The following GYPE variants were observed in gnomAD, a reference collection of about 807,000 sequenced individuals.
GYPE encodes glycophorin E (MNS blood group), also known as glycophorin-E.
In GYPE, 8 loss-of-function variants were observed where a neutral mutation model predicts 11.6. The ratio of observed to expected loss-of-function variants is 0.69; its 90% CI spans 0.41 to 1.25. GYPE has a LOEUF of 1.25. GYPE is among the 50% of genes most tolerant of loss of function. GYPE has a pLI of 0.01. For missense variants in GYPE, 90 were observed against 92.8 expected, an observed-to-expected ratio of 0.97 and a Z score of 0.12; for synonymous variants, 28 against 29.6, an observed-to-expected ratio of 0.94 and a Z score of 0.18.
intron 1 of GYPE, among the ~76,000 whole-genome samples, chr4:143,898,296 G>C (rs1206486459): frequency 6.6e-6 from 1 of 152,178 alleles, no homozygotes; most frequent in Non-Finnish European, 1.5e-5. Context: ...AGAATTGCTT[G>C]AACCTGGGAG....
intron 1 of GYPE, among the ~76,000 whole-genome samples, chr4:143,888,170 T>G (rs1744278732): frequency 1.0e-5 from 1 of 96,114 alleles, no homozygotes; most frequent in Non-Finnish European, 2.1e-5. Flanking sequence ...AGCTCTCTGC[T>G]GCATGCTTTA....
At chr4:143,873,162 T>A (rs1252512771) in intron 3 of GYPE, among the ~76,000 whole-genome samples, 1 of 152,176 alleles carries the variant, frequency 6.6e-6, no homozygotes, top group Admixed American at 6.5e-5. Flanking sequence ...TGGTCACCTT[T>A]TAGTGATTTC....
intron 3 of GYPE, among the ~76,000 whole-genome samples, chr4:143,873,872 C>T (rs1261097609): frequency 2.6e-5 from 4 of 151,980 alleles, no homozygotes; most frequent in Admixed American, 2.6e-4. Flanking sequence ...TGCTGAAGAA[C>T]TTTTTGGATG....
At chr4:143,905,448 C>A (rs1285946799) in intron 1 of GYPE, 23 bp downstream of exon 1, 3 of 1,612,578 alleles carry the variant, frequency 1.9e-6, no homozygotes, top group East Asian at 2.2e-5. Flanking sequence ...ATAACAGAAC[C>A]AAGATGAAAT....
rs1239089361 is a variant in GYPE, at chr4:143,897,058, A to G, written c.37+8413T>C. The stretch of plus-strand genomic sequence containing the variant: ...GCATTAAGAGATATACCTAATGCTA[A>G]ATGACGAGTTAATGGGTGCAGCACA... On this transcript the variant is annotated intron_variant, in intron 1 of 3. Transcript: ENST00000358615. Among the ~76,000 whole-genome samples the G allele has an allele frequency of 2.6e-5, 4 of 152,094 alleles. No individual in the cohort carries two copies. In the South Asian group the frequency reaches 6.2e-4, roughly 24 times the overall value.
rs1179833869 is a variant in GYPE, at chr4:143,871,626, AG to A, written c.*635del. The stretch of plus-strand genomic sequence containing the variant: ...AATCCCACTTCACCTAATGAAGAAA[AG>A]GAGAAGGATGCACTTCATTCTTAGA... On this transcript the variant is annotated 3_prime_UTR_variant, in exon 4 of 4. Transcript: ENST00000358615. 1 of 152,178 alleles carries A rather than the reference AG, an allele frequency of 6.6e-6. No individual in the cohort carries two copies. The highest frequency in any genetic ancestry group is 1.9e-4 in the East Asian group (1 of 5,192). The allele number at this position is 152,178 out of a possible 1,614,324, so 9.4% of individuals were successfully genotyped here.
rs186518646 is a variant in GYPE, at chr4:143,882,396, C to G, written c.38-1887G>C. ...AAGATAACTAATGAACAAAAATAAT[C>G]CATCTCTCTTAATAAATGTTAGATA... is the stretch of plus-strand genomic sequence containing the variant. On this transcript the variant is annotated intron_variant, in intron 1 of 3. Transcript: ENST00000358615. 9.3e-4 allele frequency among the ~76,000 whole-genome samples: 141 copies of G among 152,124 alleles called. 1 individual carries two copies. The highest frequency in any genetic ancestry group is 3.1e-3 in the African/African-American group (129 of 41,476).
intron 1 of GYPE, among the ~76,000 whole-genome samples, chr4:143,891,502 G>A (rs868398542): frequency 1.3e-5 from 2 of 151,272 alleles, no homozygotes; most frequent in African/African-American, 4.9e-5. Flanking sequence ...CTAATTTTTT[G>A]TATTTTTAGT....
chr4:143,881,678 G>T (rs1249818816), intron 1 of GYPE, among the ~76,000 whole-genome samples: 1 of 152,180 alleles, frequency 6.6e-6, no homozygotes, highest in Non-Finnish European at 1.5e-5. Flanking sequence ...TTATATGAAT[G>T]TTCTGTGGTT....
intron 2 of GYPE, among the ~76,000 whole-genome samples, chr4:143,877,482 T>C (rs1743860624): frequency 1.3e-5 from 2 of 152,194 alleles, no homozygotes; most frequent in South Asian, 4.1e-4. Flanking sequence ...TGTTAAGTCA[T>C]TTGTATGTTG....
chr4:143,903,193 T>G (rs4091835), intron 1 of GYPE, among the ~76,000 whole-genome samples: 10,474 of 145,404 alleles, frequency 0.072, 959 homozygotes, highest in African/African-American at 0.2. Context: ...CTTTGTATTA[T>G]TTTTGACTGT....
At chr4:143,888,097 G>A (rs1343389597) in intron 1 of GYPE, among the ~76,000 whole-genome samples, 2 of 85,158 alleles carry the variant, frequency 2.3e-5, no homozygotes, top group Non-Finnish European at 4.8e-5. Flanking sequence ...TTGTACCATG[G>A]AGGTGGGGTG....
intron 1 of GYPE, among the ~76,000 whole-genome samples, chr4:143,892,643 G>A (rs1744452713): frequency 2.6e-5 from 4 of 152,016 alleles, no homozygotes; most frequent in Admixed American, 2.6e-4. Context: ...TTAATCCTGA[G>A]TTCTAGTTTG....
chr4:143,875,733 C>T (rs1307821793), intron 3 of GYPE, among the ~76,000 whole-genome samples: 3 of 152,012 alleles, frequency 2.0e-5, no homozygotes, highest in African/African-American at 7.3e-5. Flanking sequence ...ACTTTGGAGG[C>T]CAAGGCAGGT....
chr4:143,903,577 C>G (rs1424831910), intron 1 of GYPE, among the ~76,000 whole-genome samples: 1 of 145,668 alleles, frequency 6.9e-6, no homozygotes, highest in East Asian at 2.1e-4. Flanking sequence ...CATGTTTAGT[C>G]TTCAGCTAAT....
intron 3 of GYPE, among the ~76,000 whole-genome samples, chr4:143,876,216 C>A (rs1354239067): frequency 1.3e-5 from 2 of 151,992 alleles, no homozygotes; most frequent in Non-Finnish European, 2.9e-5. Flanking sequence ...CAGGCTGAAG[C>A]AATCCTCCCA....
intron 1 of GYPE, among the ~76,000 whole-genome samples, chr4:143,897,660 A>G (rs567799352): frequency 9.2e-5 from 14 of 152,188 alleles, no homozygotes; most frequent in Non-Finnish European, 1.5e-4. Flanking sequence ...GAACCTGGTT[A>G]TACCCTATGT....
At chr4:143,891,504 A>G (rs1308868177) in intron 1 of GYPE, among the ~76,000 whole-genome samples, 1 of 151,248 alleles carries the variant, frequency 6.6e-6, no homozygotes, top group Non-Finnish European at 1.5e-5. Flanking sequence ...AATTTTTTGT[A>G]TTTTTAGTAG....
chr4:143,893,982 C>T (rs1744518675), intron 1 of GYPE, among the ~76,000 whole-genome samples: 1 of 152,150 alleles, frequency 6.6e-6, no homozygotes, highest in Admixed American at 6.5e-5. Context: ...TCACATATCC[C>T]ATATTTCTTG....
Sources: allele counts gnomAD v4.1 joint callset (sites outside exome capture counted in the v4.1 genomes callset), GRCh38; gene constraint gnomAD v4.1.1; transcripts MANE v1.5; gene names NCBI Gene and HGNC (gene_info 2026-07-23, HGNC 2026-07-21).